MARCHF1: variants seen among roughly 807,000 people sequenced by gnomAD.
MARCHF1 encodes the protein membrane associated ring-CH-type finger 1, also known as E3 ubiquitin-protein ligase MARCHF1.
MARCHF1 carries 40 observed loss-of-function variants against 54.2 expected under a neutral mutation model. The ratio of observed to expected loss-of-function variants is 0.74; its 90% confidence interval spans 0.57 to 0.96. The LOEUF (loss-of-function observed/expected upper bound fraction) is 0.96. Among genes scored for constraint, MARCHF1 ranks in the 40% least tolerant of loss-of-function variants. The pLI, the probability that MARCHF1 is intolerant of heterozygous loss-of-function variation, is 0.00. For synonymous variants in MARCHF1, 236 were observed against 236.3 expected (o/e 1.00, Z 0.01); for missense variants, 586 against 656.5 (o/e 0.89, Z 1.17).
intron 3 of MARCHF1, among the ~76,000 whole-genome samples, chr4:163,906,803 T>A (rs1751078366): frequency 6.9e-6 from 1 of 145,958 alleles, no homozygotes; most frequent in Non-Finnish European, 1.5e-5. Flanking sequence ...AGACTAGGTT[T>A]CTAAGATTTG....
intron 1 of MARCHF1, among the ~76,000 whole-genome samples, chr4:164,316,677 G>A (rs1000011408): frequency 6.6e-6 from 1 of 152,146 alleles, no homozygotes. Flanking sequence ...TATGCTAAGA[G>A]TGATATGGTT....
intron 1 of MARCHF1, among the ~76,000 whole-genome samples, chr4:164,312,750 T>C (rs139592084): frequency 3.9e-5 from 6 of 152,302 alleles, no homozygotes; most frequent in Non-Finnish European, 7.3e-5. Context: ...GAAATATATA[T>C]ATATACATAT....
intron 3 of MARCHF1, among the ~76,000 whole-genome samples, chr4:163,919,730 A>T (rs527272810): frequency 2.8e-4 from 42 of 152,234 alleles, no homozygotes; most frequent in Admixed American, 2.6e-3. Flanking sequence ...GAGGTTAGGA[A>T]AATGTTTTAA....
chr4:164,052,641 C>G (rs147278461), intron 2 of MARCHF1, among the ~76,000 whole-genome samples: 1 of 152,122 alleles, frequency 6.6e-6, no homozygotes, highest in Non-Finnish European at 1.5e-5. Context: ...CTGACACAGA[C>G]GTACTGTTTG....
At chr4:164,357,806 A>G (rs1183182947) in intron 1 of MARCHF1, among the ~76,000 whole-genome samples, 1 of 152,202 alleles carries the variant, frequency 6.6e-6, no homozygotes, top group Non-Finnish European at 1.5e-5. Context: ...TACCAACAGC[A>G]TAAAACCTTT....
intron 5 of MARCHF1, among the ~76,000 whole-genome samples, chr4:163,632,106 G>C (rs1742108076): frequency 6.6e-6 from 1 of 152,210 alleles, no homozygotes; most frequent in African/African-American, 2.4e-5. Flanking sequence ...TGAGGATGTG[G>C]AGAAATTGGA....
At chr4:163,559,424 T>C (rs1441401368) in intron 8 of MARCHF1, among the ~76,000 whole-genome samples, 3 of 152,116 alleles carry the variant, frequency 2.0e-5, no homozygotes. Context: ...AAGGTTCCTT[T>C]CGAACTAAGA....
At chr4:163,948,322 T>C (rs1332438613) in intron 3 of MARCHF1, among the ~76,000 whole-genome samples, 1 of 152,210 alleles carries the variant, frequency 6.6e-6, no homozygotes, top group Non-Finnish European at 1.5e-5. Context: ...TGTCCCAATA[T>C]AGTAAAAAGA....
At chr4:163,845,754 T>C (rs1347108350) in intron 4 of MARCHF1, among the ~76,000 whole-genome samples, 3 of 152,162 alleles carry the variant, frequency 2.0e-5, no homozygotes, top group African/African-American at 7.2e-5. Flanking sequence ...AAACGATTTA[T>C]TCATGTAAGG....
intron 5 of MARCHF1, among the ~76,000 whole-genome samples, chr4:163,673,423 C>A (rs1303730728): frequency 6.6e-6 from 1 of 152,066 alleles, no homozygotes; most frequent in Non-Finnish European, 1.5e-5. Flanking sequence ...TTTTGTTATT[C>A]TTTTTCTTTT....
intron 1 of MARCHF1, among the ~76,000 whole-genome samples, chr4:164,181,917 A>G (rs1223892702): frequency 6.6e-6 from 1 of 152,178 alleles, no homozygotes; most frequent in African/African-American, 2.4e-5. Flanking sequence ...TTCTCTGAAT[A>G]TAGACAAAAT....
At chr4:163,816,671 A>T (rs1748542252) in intron 4 of MARCHF1, among the ~76,000 whole-genome samples, 1 of 152,078 alleles carries the variant, frequency 6.6e-6, no homozygotes, top group African/African-American at 2.4e-5. Flanking sequence ...TGGTGCTATT[A>T]TCTCTCCTTA....
rs1243350980 is a variant in MARCHF1 at position 164,274,674 on chromosome 4, T to C, written c.-323+109196A>G. ...TCAGGGTACACTTTTTTTTTTTTTT[T>C]TTTTTTTTTTTTTTTTTTTTTAGAC... On this transcript the variant is annotated intron_variant, in intron 1 of 9. Coordinates refer to ENST00000514618, the MANE Select transcript of MARCHF1 (RefSeq NM_001394959.1). Among the ~76,000 whole-genome samples, 23 of 118,414 alleles carry C rather than the reference T, an allele frequency of 1.9e-4. 2 individuals are homozygous for C. The highest frequency in any genetic ancestry group is 6.4e-4 in the African/African-American group (19 of 29,808). 77.7% of individuals were successfully genotyped at this position (118,414 alleles called of 152,430 possible).
intron 4 of MARCHF1, among the ~76,000 whole-genome samples, chr4:163,721,143 C>T (rs1005603072): frequency 1.4e-4 from 21 of 152,130 alleles, no homozygotes; most frequent in African/African-American, 2.9e-4. Flanking sequence ...TTTGCCCATT[C>T]GGTATGATAC....
At chr4:164,203,622 AC>A (rs1343316136) in intron 1 of MARCHF1, among the ~76,000 whole-genome samples, 6 of 152,318 alleles carry the variant, frequency 3.9e-5, no homozygotes, top group African/African-American at 1.2e-4. Context: ...TGCCAAAAAA[AC>A]AAAACAAAAC....
At chr4:164,317,728 A>C (rs1010216552) in intron 1 of MARCHF1, among the ~76,000 whole-genome samples, 1 of 152,154 alleles carries the variant, frequency 6.6e-6, no homozygotes, top group African/African-American at 2.4e-5. Flanking sequence ...ATCAAAGAAT[A>C]GAATAGAGTA....
intron 4 of MARCHF1, among the ~76,000 whole-genome samples, chr4:163,718,466 ATTTAT>A (rs1286100894): frequency 6.6e-6 from 1 of 152,218 alleles, no homozygotes. Context: ...AGAAAAAAAC[ATTTAT>A]TTTAATTTAA....
At chr4:164,381,272 G>A (rs1731362868) in intron 1 of MARCHF1, among the ~76,000 whole-genome samples, 1 of 152,134 alleles carries the variant, frequency 6.6e-6, no homozygotes, top group African/African-American at 2.4e-5. Context: ...AGAACATTAT[G>A]AGAATACTCT....
At chr4:163,860,024 G>A (rs1377930157) in intron 3 of MARCHF1, among the ~76,000 whole-genome samples, 1 of 152,142 alleles carries the variant, frequency 6.6e-6, no homozygotes, top group Non-Finnish European at 1.5e-5. Context: ...GAGTTTGGAA[G>A]TCATCACTCC....
Sources: gnomAD v4.1 joint callset for allele counts (sites outside exome capture counted in the v4.1 genomes callset) on GRCh38, gnomAD v4.1.1 for gene constraint, MANE v1.5 for transcripts, NCBI Gene and HGNC (gene_info 2026-07-23, HGNC 2026-07-21) for gene names.